Variants in CNTNAP5 observed in about 807,000 individuals in gnomAD.
CNTNAP5 encodes contactin associated protein family member 5.
CNTNAP5 carries 72 observed loss-of-function variants against 150.2 expected under a neutral mutation model. That is an observed-to-expected ratio of 0.48 (90% confidence interval 0.40 to 0.58). The LOEUF is 0.58. Among genes scored for constraint, CNTNAP5 ranks in the 20% least tolerant of loss-of-function variants. The probability of loss-of-function intolerance (pLI) is 0.00; values close to 1 mark genes in which losing one functional copy is unlikely to be tolerated. For synonymous variants in CNTNAP5, 672 were observed against 619.8 expected (o/e 1.08, Z -1.25); for missense variants, 1,636 against 1,626.2 (o/e 1.01, Z -0.10).
In CNTNAP5 at chr2:124,824,825, T is replaced by A. The variant is rs117517109; in HGVS notation, c.3217+26505T>A. Among the ~76,000 whole-genome samples the A allele has an allele frequency of 1.4e-3, 209 of 152,288 alleles. 4 individuals are homozygous for A. The East Asian group carries it at 0.029, about 21-fold the overall frequency. On this transcript the variant is annotated intron_variant, in intron 19 of 23. Coordinates refer to ENST00000682447, the MANE Select transcript of CNTNAP5 (RefSeq NM_001367498.1). ...TGCAGGACTAATTCCTACAGGACTG[T>A]CACACAAGCAAAGATTTTATGCCTT...
At chr2:124,488,047 A>G (rs1413309089) in intron 7 of CNTNAP5, among the ~76,000 whole-genome samples, 2 of 152,214 alleles carry the variant, frequency 1.3e-5, no homozygotes, top group African/African-American at 4.8e-5. Flanking sequence ...AAGCTAATAA[A>G]TATCTTGTAA....
chr2:124,281,219 G>C (rs1419861092), intron 3 of CNTNAP5, among the ~76,000 whole-genome samples: 1 of 152,022 alleles, frequency 6.6e-6, no homozygotes, highest in Non-Finnish European at 1.5e-5. Context: ...AGGAAAAAGA[G>C]GATAAAAAGG....
In CNTNAP5 at chr2:124,899,582, A is replaced by G. The variant is rs143926780; in HGVS notation, c.3437-3300A>G. ...TAAGGCAGTGACAAGACTTTTGAAC[A>G]TTGTAATTCTTTTTTTGGATAAGAT... On this transcript the variant is annotated intron_variant, in intron 21 of 23. Transcript: ENST00000682447. Among the ~76,000 whole-genome samples, 133 of 151,688 alleles carry G rather than the reference A, an allele frequency of 8.8e-4. 5 individuals are homozygous for G. The East Asian group carries it at 0.013, about 15-fold the overall frequency.
At chr2:124,150,475 C>T (rs576708956) in intron 1 of CNTNAP5, among the ~76,000 whole-genome samples, 44 of 152,234 alleles carry the variant, frequency 2.9e-4, no homozygotes, top group African/African-American at 1.1e-3. Context: ...GTTTCAGCTG[C>T]TATAACAAAA....
intron 3 of CNTNAP5, among the ~76,000 whole-genome samples, chr2:124,308,077 A>G (rs1430264): frequency 0.52 from 78,813 of 152,044 alleles, 20,808 homozygotes; most frequent in Non-Finnish European, 0.58. Context: ...TTAATGGGAC[A>G]TAATTATTTA....
chr2:124,566,236 C>G (rs1393537294), intron 11 of CNTNAP5, among the ~76,000 whole-genome samples: 1 of 152,142 alleles, frequency 6.6e-6, no homozygotes, highest in Non-Finnish European at 1.5e-5. Context: ...ACAAGGGAAA[C>G]ATGAAGATTT....
intron 3 of CNTNAP5, among the ~76,000 whole-genome samples, chr2:124,333,912 G>T (rs1689409474): frequency 1.3e-5 from 2 of 152,166 alleles, no homozygotes; most frequent in African/African-American, 4.8e-5. Context: ...TGTAATTGCT[G>T]CCAATTATCT....
At chr2:124,545,524 A>T (rs531655388) in intron 10 of CNTNAP5, among the ~76,000 whole-genome samples, 1 of 152,188 alleles carries the variant, frequency 6.6e-6, no homozygotes, top group Non-Finnish European at 1.5e-5. Flanking sequence ...TTTGAAAATC[A>T]TAACATTTAA....
intron 13 of CNTNAP5, among the ~76,000 whole-genome samples, chr2:124,696,618 A>T (rs1679411613): frequency 6.6e-6 from 1 of 152,152 alleles, no homozygotes; most frequent in African/African-American, 2.4e-5. Context: ...AATCTCTTAA[A>T]ATATGGCCTT....
At position 124,221,794 on chromosome 2, in the gene CNTNAP5, C is replaced by T. The variant is rs1461886270; in HGVS notation, c.172C>T (p.Leu58Phe). 2 of 1,607,614 alleles carry T rather than the reference C, an allele frequency of 1.2e-6. No homozygotes were observed. The highest frequency in any genetic ancestry group is 8.5e-7 in the Non-Finnish European group (1 of 1,176,300). ...CACTGGCACTCACAGCCCAGCTCAA[C>T]TCAACTGGAGAGTTGGTAAGTAGGC... The part of the protein sequence containing the change: ...DLTGTHSPAQ[L>F]NWRVGTGGWS... The change falls in exon 2 of 24, where the codon CTC becomes TTC. Residue 58 changes from leucine (L) to phenylalanine (F), a missense_variant. Leu to Phe is a conservative substitution (Grantham distance 22). Transcript: ENST00000682447.
chr2:124,844,052 GCTTTGGGGTT>G (rs909715016), intron 19 of CNTNAP5, among the ~76,000 whole-genome samples: 1 of 151,994 alleles, frequency 6.6e-6, no homozygotes, highest in Admixed American at 6.6e-5. Flanking sequence ...TCTTGCATTT[GCTTTGGGGTT>G]CTTGGTCATG....
chr2:124,285,099 A>G (rs994898043), intron 3 of CNTNAP5, among the ~76,000 whole-genome samples: 13 of 152,262 alleles, frequency 8.5e-5, no homozygotes, highest in South Asian at 2.1e-4. Context: ...TATGCATTCA[A>G]TAGTTTGGAT....
intron 13 of CNTNAP5, among the ~76,000 whole-genome samples, chr2:124,665,742 C>T (rs895436270): frequency 2.6e-5 from 4 of 152,006 alleles, no homozygotes; most frequent in African/African-American, 4.8e-5. Flanking sequence ...AAAAATTAGC[C>T]GGGCGTGGTG....
intron 1 of CNTNAP5, among the ~76,000 whole-genome samples, chr2:124,219,094 A>G (rs985844845): frequency 6.6e-6 from 1 of 152,272 alleles, no homozygotes; most frequent in African/African-American, 2.4e-5. Flanking sequence ...ATTACCAAAA[A>G]AGAAAAAGAA....
chr2:124,886,297 C>T (rs1281499450), intron 21 of CNTNAP5, among the ~76,000 whole-genome samples: 1 of 152,030 alleles, frequency 6.6e-6, no homozygotes, highest in African/African-American at 2.4e-5. Flanking sequence ...ATTTTGTTAA[C>T]AACTAGACTT....
chr2:124,697,600 T>A (rs1340809066), intron 13 of CNTNAP5, among the ~76,000 whole-genome samples: 3 of 125,658 alleles, frequency 2.4e-5, no homozygotes, highest in Admixed American at 8.3e-5. Flanking sequence ...TGAAAGGACA[T>A]CCCTTAGTTT....
intron 3 of CNTNAP5, among the ~76,000 whole-genome samples, chr2:124,245,651 G>A (rs1686999510): frequency 6.8e-6 from 1 of 146,338 alleles, no homozygotes; most frequent in African/African-American, 2.6e-5. Flanking sequence ...TTGTGTGTAT[G>A]TATATATATA....
intron 7 of CNTNAP5, among the ~76,000 whole-genome samples, chr2:124,485,401 C>T (rs1379323446): frequency 6.6e-6 from 1 of 151,890 alleles, no homozygotes; most frequent in East Asian, 1.9e-4. Flanking sequence ...ATCACGAGGT[C>T]AGGAAATTGA....
chr2:124,255,283 G>A (rs779996), intron 3 of CNTNAP5, among the ~76,000 whole-genome samples: 50,610 of 151,890 alleles, frequency 0.33, 8,811 homozygotes, highest in Admixed American at 0.41. Context: ...CCAGCACTTT[G>A]GGAGGCCAAG....
Sources: gnomAD v4.1 joint callset for allele counts (sites outside exome capture counted in the v4.1 genomes callset) on GRCh38, gnomAD v4.1.1 for gene constraint, MANE v1.5 for transcripts, NCBI Gene and HGNC (gene_info 2026-07-23, HGNC 2026-07-21) for gene names.